Variants in RGL1 observed in about 807,000 individuals in gnomAD.
The protein encoded by RGL1 is ral guanine nucleotide dissociation stimulator like 1.
In RGL1, 24 loss-of-function variants were observed where a neutral mutation model predicts 95.2. The observed-to-expected ratio is 0.25, with a 90% CI of 0.18 to 0.35. RGL1 has a LOEUF of 0.35. Among genes scored for constraint, RGL1 ranks in the 10% least tolerant of loss-of-function variants. The pLI is 1.00. For synonymous variants in RGL1, 329 were observed against 344.9 expected (o/e 0.95, Z 0.51); for missense variants, 715 against 936.3 (o/e 0.76, Z 3.08).
chr1:183,824,622 T>C (rs74130645), intron 2 of RGL1, among the ~76,000 whole-genome samples: 2,406 of 152,330 alleles, frequency 0.016, 68 homozygotes, highest in African/African-American at 0.055. Context: ...TTGACAAGGC[T>C]CAGTTCATTA....
chr1:183,647,352 T>G, intron 1 of RGL1: 1 of 181,258 alleles, frequency 5.5e-6, no homozygotes, highest in Non-Finnish European at 1.1e-5. Context: ...CCATGGGCTT[T>G]TGTAGTGGAA....
At chr1:183,907,157 A>G in intron 14 of RGL1, 56 bp downstream of exon 14, 1 of 978,544 alleles carries the variant, frequency 1.0e-6, no homozygotes, top group African/African-American at 1.6e-5. Context: ...GAGTCGTGAG[A>G]GGAGATGTAT....
intron 2 of RGL1, among the ~76,000 whole-genome samples, chr1:183,789,172 G>A (rs1391304464): frequency 6.6e-6 from 1 of 152,156 alleles, no homozygotes; most frequent in Non-Finnish European, 1.5e-5. Context: ...AGCTGGGCAT[G>A]GTGGCTCATG....
chr1:183,663,668 A>T (rs975917859), intron 1 of RGL1, among the ~76,000 whole-genome samples: 1 of 151,904 alleles, frequency 6.6e-6, no homozygotes, highest in Non-Finnish European at 1.5e-5. Context: ...TTCCTCAGGG[A>T]TCTAGAACTA....
rs1016120953 is a variant in RGL1, at chr1:183,684,578, C to T, written c.-33+48077C>T. On this transcript the variant is annotated intron_variant, in intron 1 of 18. Transcript: ENST00000304685. ...ACCATTTGCCTCCCTGGCTTCAGCC[C>T]CCTTTCCAGGGGAGTGAACCGTTCT... Among the ~76,000 whole-genome samples, 17 of 152,140 alleles carry T rather than the reference C, an allele frequency of 1.1e-4. 1 individual carries two copies. The highest frequency in any genetic ancestry group is 2.9e-5 in the Non-Finnish European group (2 of 68,012).
At chr1:183,725,133 G>T (rs1656240029) in intron 1 of RGL1, among the ~76,000 whole-genome samples, 1 of 152,150 alleles carries the variant, frequency 6.6e-6, no homozygotes, top group Non-Finnish European at 1.5e-5. Context: ...CTATAAGTCT[G>T]CAAGAGCCAC....
At chr1:183,894,622 A>G (rs1405622220) in intron 9 of RGL1, among the ~76,000 whole-genome samples, 3 of 152,134 alleles carry the variant, frequency 2.0e-5, no homozygotes, top group African/African-American at 7.2e-5. Flanking sequence ...AGGAAAAACT[A>G]CCGGCCTCTG....
intron 1 of RGL1, among the ~76,000 whole-genome samples, chr1:183,678,675 C>T (rs1277419427): frequency 6.6e-6 from 1 of 151,510 alleles, no homozygotes; most frequent in Non-Finnish European, 1.5e-5. Flanking sequence ...GATTATGGCT[C>T]ACTTAAGTGC....
At chr1:183,748,320 C>T (rs990830783) in intron 2 of RGL1, among the ~76,000 whole-genome samples, 2 of 148,584 alleles carry the variant, frequency 1.3e-5, no homozygotes, top group Non-Finnish European at 3.0e-5. Context: ...TCCTTGAGTT[C>T]TGCTCTGATC....
intron 9 of RGL1, among the ~76,000 whole-genome samples, chr1:183,893,212 T>C (rs1342316273): frequency 2.0e-5 from 3 of 152,152 alleles, no homozygotes; most frequent in Non-Finnish European, 4.4e-5. Flanking sequence ...TACAGTCTCA[T>C]GTGGGAGGTA....
chr1:183,836,564 A>G (rs2500109), intron 2 of RGL1, among the ~76,000 whole-genome samples: 121,610 of 152,120 alleles, frequency 0.8, 48,770 homozygotes, highest in Middle Eastern at 0.88. Context: ...CACTGCGCCC[A>G]GCCTTCAGTG....
chr1:183,647,854 G>C (rs1184375318), intron 1 of RGL1: 3 of 1,614,120 alleles, frequency 1.9e-6, no homozygotes, highest in South Asian at 1.1e-5. Context: ...GGTTTATTTG[G>C]GTTTTGGCCC....
chr1:183,805,966 C>CTTTTTTT (rs1294226085), intron 1 of RGL1, among the ~76,000 whole-genome samples: 5 of 28,400 alleles, frequency 1.8e-4, no homozygotes, highest in Non-Finnish European at 2.3e-4. Context: ...TTTTTCTTTT[C>CTTTTTTT]TTTTCTTTTT....
At chr1:183,757,025 T>G (rs575411215) in intron 2 of RGL1, among the ~76,000 whole-genome samples, 6 of 151,934 alleles carry the variant, frequency 3.9e-5, no homozygotes, top group African/African-American at 7.2e-5. Flanking sequence ...TTGTTTGTTT[T>G]TTTTTTTTTG....
intron 3 of RGL1, among the ~76,000 whole-genome samples, chr1:183,856,425 T>A (rs1232387426): frequency 6.6e-6 from 1 of 151,724 alleles, no homozygotes; most frequent in Non-Finnish European, 1.5e-5. Context: ...TTTTGAAAAA[T>A]TTCCTATATA....
intron 3 of RGL1, among the ~76,000 whole-genome samples, chr1:183,857,114 C>A (rs1457143809): frequency 6.6e-6 from 1 of 151,966 alleles, no homozygotes; most frequent in Non-Finnish European, 1.5e-5. Context: ...AGAGTAATCA[C>A]AAGGGTCCTT....
intron 3 of RGL1, among the ~76,000 whole-genome samples, chr1:183,849,745 C>T (rs958213581): frequency 6.6e-6 from 1 of 152,008 alleles, no homozygotes; most frequent in South Asian, 2.1e-4. Flanking sequence ...GCCTCAGCCT[C>T]CCAAAGTGCT....
At chr1:183,655,294 T>G (rs1347756725) in intron 1 of RGL1, among the ~76,000 whole-genome samples, 1 of 152,250 alleles carries the variant, frequency 6.6e-6, no homozygotes, top group Non-Finnish European at 1.5e-5. Context: ...TGCTAGTTAC[T>G]GCTTATAAGG....
intron 1 of RGL1, among the ~76,000 whole-genome samples, chr1:183,734,466 T>C (rs1286866875): frequency 6.6e-6 from 1 of 152,178 alleles, no homozygotes; most frequent in Non-Finnish European, 1.5e-5. Context: ...GTGTAGTAAA[T>C]ATTGAATGCA....
Sources: gnomAD v4.1 joint callset for allele counts (sites outside exome capture counted in the v4.1 genomes callset) on GRCh38, gnomAD v4.1.1 for gene constraint, MANE v1.5 for transcripts, NCBI Gene and HGNC (gene_info 2026-07-23, HGNC 2026-07-21) for gene names.